GRIK1: variants seen among roughly 807,000 people sequenced by gnomAD.
GRIK1 encodes the protein glutamate receptor ionotropic, kainate 1.
GRIK1 carries 69 observed loss-of-function variants against 105.7 expected under a neutral mutation model. The observed-to-expected ratio is 0.65, with a 90% CI of 0.54 to 0.80. GRIK1 has a LOEUF of 0.80. Among genes scored for constraint, GRIK1 ranks in the 30% least tolerant of loss-of-function variants. The pLI is 0.00. For synonymous variants in GRIK1, 438 were observed against 431.3 expected (o/e 1.02, Z -0.19); for missense variants, 1,109 against 1,167.3 (o/e 0.95, Z 0.73).
chr21:29,719,081 C>T (rs201718170), intron 1 of GRIK1, among the ~76,000 whole-genome samples: 13 of 143,324 alleles, frequency 9.1e-5, no homozygotes, highest in East Asian at 2.0e-4. Context: ...TGTGTATATA[C>T]ATATATATAT....
chr21:29,773,392 A>G (rs1278108868), intron 1 of GRIK1, among the ~76,000 whole-genome samples: 1 of 152,066 alleles, frequency 6.6e-6, no homozygotes, highest in African/African-American at 2.4e-5. Context: ...TCCCTTCTTC[A>G]CCTATGTTAG....
At chr21:29,928,045 C>G (rs557747102) in intron 1 of GRIK1, among the ~76,000 whole-genome samples, 1 of 152,240 alleles carries the variant, frequency 6.6e-6, no homozygotes, top group East Asian at 1.9e-4. Context: ...CTGGGCCACA[C>G]TGGAAGACGA....
chr21:29,588,432 A>T (rs1480143768), intron 11 of GRIK1, among the ~76,000 whole-genome samples: 1 of 152,118 alleles, frequency 6.6e-6, no homozygotes, highest in South Asian at 2.1e-4. Flanking sequence ...AGTGAGTCTC[A>T]TGAGAGCTGA....
intron 13 of GRIK1, among the ~76,000 whole-genome samples, chr21:29,580,319 A>G (rs12152037): frequency 0.018 from 2,670 of 152,054 alleles, 29 homozygotes; most frequent in Non-Finnish European, 0.023. Flanking sequence ...TGCAGGATTT[A>G]TACCTCTGTG....
chr21:29,884,362 C>G (rs1244908652), intron 1 of GRIK1, among the ~76,000 whole-genome samples: 1 of 151,886 alleles, frequency 6.6e-6, no homozygotes, highest in Non-Finnish European at 1.5e-5. Context: ...TTGAATTAAC[C>G]AGAGTCTACT....
chr21:29,561,508 C>T, intron 15 of GRIK1, 116 bp downstream of exon 15: 1 of 659,708 alleles, frequency 1.5e-6, no homozygotes, highest in South Asian at 1.8e-5. Flanking sequence ...TATTAGTTCA[C>T]TAATGGCATT....
At chr21:29,648,949 T>C (rs995436692) in intron 6 of GRIK1, among the ~76,000 whole-genome samples, 1 of 152,158 alleles carries the variant, frequency 6.6e-6, no homozygotes, top group Admixed American at 6.5e-5. Context: ...ATCTTTAACG[T>C]AGAGAAGAAA....
intron 1 of GRIK1, among the ~76,000 whole-genome samples, chr21:29,790,140 C>G (rs1216310442): frequency 2.6e-5 from 4 of 152,168 alleles, no homozygotes; most frequent in Admixed American, 1.3e-4. Flanking sequence ...AACTCCACCT[C>G]CCAGGTTCAA....
intron 1 of GRIK1, among the ~76,000 whole-genome samples, chr21:29,824,022 G>A (rs921932948): frequency 1.6e-4 from 24 of 151,920 alleles, no homozygotes; most frequent in African/African-American, 5.3e-4. Context: ...GATATAATGG[G>A]GCAAGGTCAA....
intron 1 of GRIK1, among the ~76,000 whole-genome samples, chr21:29,719,392 C>G (rs1905309893): frequency 6.6e-6 from 1 of 151,992 alleles, no homozygotes. Flanking sequence ...CCTAAAACTT[C>G]TGGGATTTTC....
intron 6 of GRIK1, 127 bp downstream of exon 6, chr21:29,650,989 CTT>C (rs2062723329): frequency 4.7e-6 from 3 of 640,630 alleles, no homozygotes; most frequent in South Asian, 5.4e-5. Context: ...AAAGCAAACT[CTT>C]TCTTCTCTAC....
At chr21:29,759,802 T>C (rs1416525927) in intron 1 of GRIK1, among the ~76,000 whole-genome samples, 1 of 152,248 alleles carries the variant, frequency 6.6e-6, no homozygotes, top group African/African-American at 2.4e-5. Flanking sequence ...TTCCCTCTGC[T>C]GTCTACTCCT....
chr21:29,757,558 T>C (rs1196451444), intron 1 of GRIK1, among the ~76,000 whole-genome samples: 1 of 152,238 alleles, frequency 6.6e-6, no homozygotes, highest in East Asian at 1.9e-4. Flanking sequence ...ACTAAATTTT[T>C]TCCTAATAAA....
chr21:29,891,431 A>G (rs1285356867), intron 1 of GRIK1, among the ~76,000 whole-genome samples: 1 of 152,232 alleles, frequency 6.6e-6, no homozygotes, highest in Non-Finnish European at 1.5e-5. Context: ...ATTCCATTAT[A>G]ATCACAATGA....
At chr21:29,867,811 A>AGAAT (rs2068850305) in intron 1 of GRIK1, among the ~76,000 whole-genome samples, 2 of 122,704 alleles carry the variant, frequency 1.6e-5, no homozygotes, top group East Asian at 3.2e-4. Context: ...AAAGAAAGAA[A>AGAAT]GAAAGAATGA....
At chr21:29,653,605 C>A (rs1187530782) in intron 5 of GRIK1, among the ~76,000 whole-genome samples, 1 of 152,206 alleles carries the variant, frequency 6.6e-6, no homozygotes, top group Non-Finnish European at 1.5e-5. Context: ...CCTTGAGTAA[C>A]CCTCAGGTGT....
rs899584766 is a variant in GRIK1 at position 29,880,382 on chromosome 21, G to A, written c.118+59001C>T. 8.6e-4 allele frequency among the ~76,000 whole-genome samples: 131 copies of A among 152,050 alleles called. 1 individual carries two copies. Among genetic ancestry groups the A allele is most frequent in the African/African-American group, 2.9e-3 (122 of 41,400 alleles). On this transcript the variant is annotated intron_variant, in intron 1 of 17. Transcript: ENST00000327783. ...GATGTGCATTAAGAAAAATGGTCTG[G>A]CAAGATAGCAAATTCCAATTTCCTA...
chr21:29,572,567 A>G (rs1344020723), intron 14 of GRIK1, among the ~76,000 whole-genome samples: 3 of 152,044 alleles, frequency 2.0e-5, no homozygotes, highest in African/African-American at 7.2e-5. Context: ...GCACTCTTTT[A>G]GATTCTGGTG....
intron 4 of GRIK1, among the ~76,000 whole-genome samples, chr21:29,666,000 T>A (rs895714202): frequency 7.2e-5 from 11 of 152,338 alleles, no homozygotes; most frequent in Admixed American, 4.6e-4. Context: ...AATTTGCAAA[T>A]GGGTCTCCCA....
Sources: gnomAD v4.1 joint callset for allele counts (sites outside exome capture counted in the v4.1 genomes callset) on GRCh38, gnomAD v4.1.1 for gene constraint, MANE v1.5 for transcripts, NCBI Gene and HGNC (gene_info 2026-07-23, HGNC 2026-07-21) for gene names.